ITGB5: variants seen among roughly 807,000 people sequenced by gnomAD.
ITGB5 encodes the protein integrin beta-5.
Under a neutral mutation model 84.8 loss-of-function variants are expected in ITGB5, and 38 were observed. The ratio of observed to expected loss-of-function variants is 0.45; its 90% CI spans 0.35 to 0.59. ITGB5 has a LOEUF of 0.59. Among genes scored for constraint, ITGB5 ranks in the 20% least tolerant of loss-of-function variants. The probability of loss-of-function intolerance (pLI) is 0.01; values close to 1 mark genes in which losing one functional copy is unlikely to be tolerated. For missense variants in ITGB5, 905 were observed against 1,034.5 expected, an observed-to-expected ratio of 0.87 and a Z score of 1.72; for synonymous variants, 393 against 414.4, an observed-to-expected ratio of 0.95 and a Z score of 0.63.
intron 1 of ITGB5, among the ~76,000 whole-genome samples, chr3:124,879,034 C>T (rs1934457603): frequency 1.3e-5 from 2 of 152,304 alleles, no homozygotes; most frequent in South Asian, 4.2e-4. Context: ...ATATGTTCTT[C>T]CAAAATTCAC....
At chr3:124,766,059 C>CAAA (rs376914121) in intron 13 of ITGB5, among the ~76,000 whole-genome samples, 167 bp downstream of exon 13, 2,094 of 104,430 alleles carry the variant, frequency 0.02, 39 homozygotes, top group South Asian at 0.049. Context: ...CAGCCTGTGT[C>CAAA]AAAAAAAAAA....
At chr3:124,808,396 C>T (rs927893867) in intron 9 of ITGB5, among the ~76,000 whole-genome samples, 3 of 152,338 alleles carry the variant, frequency 2.0e-5, no homozygotes, top group Middle Eastern at 3.4e-3. Flanking sequence ...TCACCACTCG[C>T]GGCCTCTGTG....
At chr3:124,810,347 GA>G (rs1361752906) in intron 8 of ITGB5, among the ~76,000 whole-genome samples, 1 of 152,186 alleles carries the variant, frequency 6.6e-6, no homozygotes, top group Non-Finnish European at 1.5e-5. Flanking sequence ...GCAGAATAGG[GA>G]CTTCTGGGCC....
At chr3:124,775,459 C>CTAGA (rs1276122995) in intron 10 of ITGB5, among the ~76,000 whole-genome samples, 2 of 152,068 alleles carry the variant, frequency 1.3e-5, no homozygotes, top group East Asian at 1.9e-4. Flanking sequence ...TGTGAAAAGA[C>CTAGA]TAGATAGCAC....
At chr3:124,873,580 C>T in intron 1 of ITGB5, 49 bp from the exon 2 acceptor site, 19 of 1,374,142 alleles carry the variant, frequency 1.4e-5, no homozygotes, top group Non-Finnish European at 1.7e-5. Context: ...CTATAAACTT[C>T]ATGGATCAAG....
intron 3 of ITGB5, among the ~76,000 whole-genome samples, chr3:124,852,424 G>A (rs552371354): frequency 1.3e-5 from 2 of 151,984 alleles, no homozygotes; most frequent in Non-Finnish European, 2.9e-5. Context: ...ACCCCAGGCA[G>A]CCCCCCTCAT....
chr3:124,893,212 C>T (rs1056462642), intron 1 of ITGB5, among the ~76,000 whole-genome samples: 1 of 151,978 alleles, frequency 6.6e-6, no homozygotes, highest in African/African-American at 2.4e-5. Flanking sequence ...GTTCGAGACC[C>T]GCCTGGCCAA....
chr3:124,881,546 C>T (rs1934571143), intron 1 of ITGB5, among the ~76,000 whole-genome samples: 1 of 152,150 alleles, frequency 6.6e-6, no homozygotes, highest in Non-Finnish European at 1.5e-5. Context: ...TATAAAAGAT[C>T]AGAGGACTTG....
At chr3:124,871,092 T>C (rs924282316) in intron 2 of ITGB5, among the ~76,000 whole-genome samples, 9 of 152,100 alleles carry the variant, frequency 5.9e-5, no homozygotes, top group African/African-American at 2.2e-4. Context: ...GGTTTCGTCA[T>C]GTTGCCCAGA....
intron 9 of ITGB5, 80 bp from the exon 10 acceptor site, chr3:124,796,897 G>T: frequency 7.1e-7 from 1 of 1,411,454 alleles, no homozygotes; most frequent in Non-Finnish European, 9.6e-7. Context: ...GGCCCTTGAT[G>T]AAGAGCAGCT....
intron 9 of ITGB5, among the ~76,000 whole-genome samples, chr3:124,804,531 G>C (rs775195480): frequency 7.9e-5 from 12 of 151,984 alleles, no homozygotes; most frequent in Non-Finnish European, 1.5e-4. Context: ...CTGGTAACAA[G>C]AGCAAGACCC....
intron 10 of ITGB5, among the ~76,000 whole-genome samples, chr3:124,774,836 C>T (rs2063899828): frequency 6.6e-6 from 1 of 152,228 alleles, no homozygotes; most frequent in Non-Finnish European, 1.5e-5. Context: ...CCTATATGAG[C>T]ACCTTACACG....
chr3:124,785,305 C>T (rs2064064555), intron 10 of ITGB5, among the ~76,000 whole-genome samples: 2 of 151,352 alleles, frequency 1.3e-5, no homozygotes, highest in South Asian at 4.2e-4. Context: ...CACTTGTGTC[C>T]GGGCGCGGTG....
chr3:124,883,693 C>CT (rs1242875907), intron 1 of ITGB5, among the ~76,000 whole-genome samples: 2 of 152,200 alleles, frequency 1.3e-5, no homozygotes, highest in Non-Finnish European at 2.9e-5. Flanking sequence ...CATTCGATTG[C>CT]TTTTTTAAAA....
At chr3:124,827,772 T>G (rs796113486) in intron 5 of ITGB5, among the ~76,000 whole-genome samples, 3 of 152,326 alleles carry the variant, frequency 2.0e-5, no homozygotes, top group African/African-American at 7.2e-5. Flanking sequence ...TGTTCCTGCC[T>G]GAACTGATGA....
At chr3:124,805,363 G>A (rs931872093) in intron 9 of ITGB5, among the ~76,000 whole-genome samples, 2 of 151,822 alleles carry the variant, frequency 1.3e-5, no homozygotes, top group African/African-American at 4.8e-5. Flanking sequence ...GGCTGGTCTC[G>A]AACTCCTGAG....
Position 124,883,193 on chromosome 3 carries a change from G to A in ITGB5, c.70+3738C>T, listed in dbSNP as rs544830301. Among the ~76,000 whole-genome samples, 14 of 152,300 alleles carry A rather than the reference G, an allele frequency of 9.2e-5. No homozygotes were observed. The South Asian group carries it at 2.7e-3, about 29-fold the overall frequency. ...GTCCCACATTACTGATATCGTTAAAGCATCTCAGAATATTTCCATGGCCAG... is the reference window on the plus strand; with the variant it reads ...GTCCCACATTACTGATATCGTTAAAACATCTCAGAATATTTCCATGGCCAG... On this transcript the variant is annotated intron_variant, in intron 1 of 14. Transcript: ENST00000296181.
At chr3:124,763,844 G>T in intron 14 of ITGB5, 126 bp from the exon 15 acceptor site, 1 of 613,126 alleles carries the variant, frequency 1.6e-6, no homozygotes, top group South Asian at 1.9e-5. Context: ...GAGCACTCAG[G>T]AGGAGACGGC....
Position 124,848,579 on chromosome 3 carries a change from C to T in ITGB5, c.362-21G>A, listed in dbSNP as rs3816694. The T allele has an allele frequency of 3.8e-5, 61 of 1,602,744 alleles. No homozygotes were observed. In the East Asian group the frequency reaches 1.1e-3, roughly 28 times the overall value. On this transcript the variant is annotated intron_variant, in intron 3 of 14. Transcript: ENST00000296181. ...GTCACCTGCACCAACAGAGAGGCCA[C>T]GTGTGTTAGAGGTTGTGCAACCTGC...
Sources: gnomAD v4.1 joint callset for allele counts (sites outside exome capture counted in the v4.1 genomes callset) on GRCh38, gnomAD v4.1.1 for gene constraint, MANE v1.5 for transcripts, NCBI Gene and HGNC (gene_info 2026-07-23, HGNC 2026-07-21) for gene names.